Variants in PAK2 observed in about 807,000 individuals in gnomAD.
The protein encoded by PAK2 is serine/threonine-protein kinase PAK 2.
PAK2 carries 21 observed loss-of-function variants against 65.9 expected under a neutral mutation model. The observed-to-expected ratio is 0.32, with a 90% CI of 0.23 to 0.46. PAK2 has a LOEUF of 0.46. PAK2 is among the 20% of genes least tolerant of loss of function. The probability of loss-of-function intolerance (pLI) is 1.00; values close to 1 mark genes in which losing one functional copy is unlikely to be tolerated. For synonymous variants in PAK2, 204 were observed against 219.7 expected, an observed-to-expected ratio of 0.93 and a Z score of 0.63; for missense variants, 324 against 642.6, an observed-to-expected ratio of 0.50 and a Z score of 5.36.
In PAK2 at chr3:196,820,367, G is replaced by A. The variant is rs1314054634; in HGVS notation, c.1154-4G>A. 6 of 1,558,744 alleles carry A rather than the reference G, an allele frequency of 3.8e-6. No homozygotes were observed. Among genetic ancestry groups the A allele is most frequent in the Middle Eastern group, 3.4e-4 (2 of 5,868 alleles). On this transcript the variant is annotated splice_polypyrimidine_tract_variant and splice_region_variant and intron_variant, in intron 12 of 14. Transcript: ENST00000327134. This position sits in a 1 kb window ranked among gnomAD's most constrained non-coding sequence, Gnocchi z 4.6. ...CATTAACTCTGTTTTGTTTTGTTTT[G>A]TAGCTGACTTTGGTTTCTGTGCCCA...
In PAK2 at chr3:196,786,227, A is replaced by G. The variant is rs567816179; in HGVS notation, c.187+3394A>G. On this transcript the variant is annotated intron_variant, in intron 2 of 14. Transcript: ENST00000327134. ...ACCCAGGCTGGAGTCTAGTGGCTCAATCTCAGCTCTCTGCAACCTCCGCCC... is the reference window on the plus strand; with the variant it reads ...ACCCAGGCTGGAGTCTAGTGGCTCAGTCTCAGCTCTCTGCAACCTCCGCCC... 3.3e-5 allele frequency among the ~76,000 whole-genome samples: 5 copies of G among 151,566 alleles called. No homozygotes were observed. The East Asian group carries it at 9.7e-4, about 29-fold the overall frequency.
rs771493623 is a variant in PAK2 at position 196,823,968 on chromosome 3, G to C, written c.1351-3228G>C. On this transcript the variant is annotated intron_variant, in intron 13 of 14. Transcript: ENST00000327134. ...TGAATCTACCGAGATTGACCTTCACGTGTATCAGAGCCTGTACATGAAGTG... is the reference window on the plus strand; with the variant it reads ...TGAATCTACCGAGATTGACCTTCACCTGTATCAGAGCCTGTACATGAAGTG... Among the ~76,000 whole-genome samples, 4 of 151,996 alleles carry C rather than the reference G, an allele frequency of 2.6e-5. No homozygotes were observed. The East Asian group carries it at 7.7e-4, about 29-fold the overall frequency.
chr3:196,795,763 A>G (rs117157134), intron 2 of PAK2, among the ~76,000 whole-genome samples: 2,243 of 152,322 alleles, frequency 0.015, 95 homozygotes, highest in Admixed American at 0.09. Context: ...GACAGACTAC[A>G]AAAAATGTTA....
Position 196,751,515 on chromosome 3 carries a change from C to T in PAK2, c.-22+11358C>T, listed in dbSNP as rs77158387. 8.7e-3 allele frequency among the ~76,000 whole-genome samples: 1,298 copies of T among 149,824 alleles called. 15 individuals are homozygous for T. Among genetic ancestry groups the T allele is most frequent in the African/African-American group, 0.029 (1,190 of 40,710 alleles). On this transcript the variant is annotated intron_variant, in intron 1 of 14. Transcript: ENST00000327134. Reference sequence around the variant, plus strand: ...ATAGAAAAATTAGCCAGCGTGGTGGCACGCACCTGTAATCCCAGCTACTCG... The same window carrying T: ...ATAGAAAAATTAGCCAGCGTGGTGGTACGCACCTGTAATCCCAGCTACTCG...
chr3:196,743,979 TGTA>T (rs1284747207), intron 1 of PAK2, among the ~76,000 whole-genome samples: 1 of 152,222 alleles, frequency 6.6e-6, no homozygotes, highest in Non-Finnish European at 1.5e-5. Context: ...ATGAATAAAA[TGTA>T]ATTTTTCAGG....
At chr3:196,750,332 ACT>A (rs1465485122) in intron 1 of PAK2, among the ~76,000 whole-genome samples, 1 of 151,124 alleles carries the variant, frequency 6.6e-6, no homozygotes. Context: ...GAGACGGTTC[ACT>A]CTGTTGCGCA....
At chr3:196,794,007 T>C (rs1043357429) in intron 2 of PAK2, among the ~76,000 whole-genome samples, 2 of 152,048 alleles carry the variant, frequency 1.3e-5, no homozygotes, top group African/African-American at 4.8e-5. Context: ...GGCGTACACC[T>C]GTAATCCCAG....
intron 1 of PAK2, among the ~76,000 whole-genome samples, chr3:196,762,807 A>AAAG (rs1553801447): frequency 1.4e-5 from 2 of 139,658 alleles, no homozygotes; most frequent in Middle Eastern, 3.6e-3. Flanking sequence ...AAAAAAAAAA[A>AAAG]AAGAAGAAAA....
At chr3:196,799,909 C>T (rs1272734513) in intron 2 of PAK2, among the ~76,000 whole-genome samples, 1 of 152,176 alleles carries the variant, frequency 6.6e-6, no homozygotes, top group African/African-American at 2.4e-5. Context: ...CTACTGCTCG[C>T]AGCCAGCTTC....
At chr3:196,742,781 G>T (rs1463643963) in intron 1 of PAK2, among the ~76,000 whole-genome samples, 1 of 152,290 alleles carries the variant, frequency 6.6e-6, no homozygotes, top group Non-Finnish European at 1.5e-5. Flanking sequence ...GCCGGGCTTG[G>T]TGGCAGGCGC....
At chr3:196,821,543 C>G (rs1406299221) in intron 13 of PAK2, among the ~76,000 whole-genome samples, 3 of 151,768 alleles carry the variant, frequency 2.0e-5, no homozygotes, top group Non-Finnish European at 2.9e-5. Flanking sequence ...ATTAGCTGAG[C>G]ATGGTGGTGG....
intron 6 of PAK2, 147 bp from the exon 7 acceptor site, chr3:196,807,635 A>G: frequency 3.9e-6 from 2 of 517,282 alleles, no homozygotes; most frequent in Non-Finnish European, 3.5e-6. Flanking sequence ...CACATCTTTT[A>G]TATCTGAAAA....
intron 2 of PAK2, among the ~76,000 whole-genome samples, chr3:196,795,361 G>A (rs1316806151): frequency 6.6e-6 from 1 of 152,018 alleles, no homozygotes; most frequent in Non-Finnish European, 1.5e-5. Flanking sequence ...CCCAGGACTT[G>A]GTAGGCTGAG....
At chr3:196,780,104 A>G (rs1260859636) in intron 1 of PAK2, among the ~76,000 whole-genome samples, 1 of 152,226 alleles carries the variant, frequency 6.6e-6, no homozygotes, top group Non-Finnish European at 1.5e-5. Flanking sequence ...CAAATCCCGC[A>G]TGATGTCATG....
intron 8 of PAK2, among the ~76,000 whole-genome samples, chr3:196,811,226 T>TTCCCTCCCTTCCC (rs1560113602): frequency 5.2e-4 from 2 of 3,838 alleles, no homozygotes; most frequent in Admixed American, 3.4e-3. Flanking sequence ...CCTCCCTCCC[T>TTCCCTCCCTTCCC]TCCCTTCCCT....
intron 2 of PAK2, among the ~76,000 whole-genome samples, chr3:196,784,292 T>C (rs1449675837): frequency 1.5e-5 from 2 of 133,644 alleles, no homozygotes; most frequent in Admixed American, 7.5e-5. Context: ...TAGTTACATA[T>C]GTATACATGT....
At chr3:196,827,791 C>A (rs958354791) in intron 14 of PAK2, among the ~76,000 whole-genome samples, 23 of 152,124 alleles carry the variant, frequency 1.5e-4, no homozygotes, top group African/African-American at 5.3e-4. Context: ...GAATAAAATT[C>A]TGACAAAACC....
At chr3:196,759,498 G>GTGTTTTTTTTTT (rs1713881780) in intron 1 of PAK2, among the ~76,000 whole-genome samples, 1 of 108,116 alleles carries the variant, frequency 9.2e-6, no homozygotes, top group Admixed American at 1.1e-4. Context: ...GGTTTTTTTT[G>GTGTTTTTTTTTT]TTTTTTTTTT....
intron 11 of PAK2, 144 bp downstream of exon 11, chr3:196,814,712 C>A: frequency 1.7e-6 from 1 of 588,462 alleles, no homozygotes. Context: ...CATCTCCGTG[C>A]CATTTCATCC....
Sources: allele counts gnomAD v4.1 joint callset (sites outside exome capture counted in the v4.1 genomes callset), GRCh38; gene constraint gnomAD v4.1.1; non-coding constraint Gnocchi (gnomAD v3.1); transcripts MANE v1.5; gene names NCBI Gene and HGNC (gene_info 2026-07-23, HGNC 2026-07-21).